Variants in ACSM3 observed in about 807,000 individuals in gnomAD.
ACSM3 encodes the protein acyl-coenzyme A synthetase ACSM3, mitochondrial.
A neutral mutation model predicts 74.1 loss-of-function variants in ACSM3; 61 were observed. That is an observed-to-expected ratio of 0.82 (90% CI 0.67 to 1.02). The LOEUF (loss-of-function observed/expected upper bound fraction) is 1.02, where lower values mean the gene tolerates loss of function less well. Ranked by LOEUF, ACSM3 falls within the 50% of genes least tolerant of loss-of-function variation. The pLI is 0.00. For synonymous variants in ACSM3, 213 were observed against 241.5 expected, an observed-to-expected ratio of 0.88 and a Z score of 1.09; for missense variants, 660 against 697.0, an observed-to-expected ratio of 0.95 and a Z score of 0.60.
chr16:20,777,620 G>A, intron 4 of ACSM3, 40 bp downstream of exon 4: 2 of 1,539,086 alleles, frequency 1.3e-6, no homozygotes. Flanking sequence ...TTCCCAAAAG[G>A]AAAGGCAACA....
chr16:20,737,502 G>C (rs998780616), intron 1 of ACSM3, among the ~76,000 whole-genome samples: 1 of 151,914 alleles, frequency 6.6e-6, no homozygotes, highest in Non-Finnish European at 1.5e-5. Context: ...ATTCAATTTC[G>C]AGTTAAAAAA....
In ACSM3 at chr16:20,757,587, A is replaced by T. The variant is rs200722187; in HGVS notation, c.-52+1971A>T. 2.1e-4 allele frequency among the ~76,000 whole-genome samples: 31 copies of T among 149,960 alleles called. No homozygotes were observed. In the East Asian group the frequency reaches 6.1e-3, roughly 29 times the overall value. ...ACAATCATGTCGTCTGCAAACAGGG[A>T]CAATTTGACTTCCTCTTTTCCTAAT... On this transcript the variant is annotated intron_variant, in intron 3 of 3. Coordinates refer to the ACSM3 transcript ENST00000561584.
rs562126214 is a variant in ACSM3 at position 20,764,975 on chromosome 16, C to T, written c.-52+850C>T. ...GTCTGGTTGGGTTTGGAGACAACAG[C>T]AGTGAATTTACCTTGCGTTGAGGCT... On this transcript the variant is annotated intron_variant, in intron 1 of 13. Coordinates refer to ENST00000289416, the MANE Select transcript of ACSM3 (RefSeq NM_005622.4). Among the ~76,000 whole-genome samples, 3 of 152,140 alleles carry T rather than the reference C, an allele frequency of 2.0e-5. No homozygotes were observed. In the South Asian group the frequency reaches 6.2e-4, roughly 31 times the overall value.
intron 3 of ACSM3, among the ~76,000 whole-genome samples, chr16:20,758,838 C>T (rs1156494799): frequency 2.0e-5 from 3 of 151,900 alleles, no homozygotes; most frequent in Non-Finnish European, 4.4e-5. Context: ...TGTTTTTGTT[C>T]TCGTTGGTTT....
intron 1 of ACSM3, chr16:20,680,069 A>C (rs1173487017): frequency 1.3e-5 from 2 of 152,242 alleles, no homozygotes; most frequent in East Asian, 3.9e-4. Context: ...CCCAGACTGT[A>C]ACATTCAGTG....
chr16:20,780,717 T>G lies in ACSM3; in HGVS notation c.642T>G (p.His214Gln), dbSNP rs761804163. The change falls in exon 5 of 14, where the codon CAT becomes CAG. Residue 214 changes from histidine to glutamine, a missense_variant. His to Gln is a conservative substitution (Grantham distance 24). Coordinates refer to ENST00000289416, the MANE Select transcript of ACSM3 (RefSeq NM_005622.4). ...GWGNLKELMK[H>Q]ASDSHTCVKT... The stretch of plus-strand genomic sequence containing the variant: ...CATTGTAGTTTTTCCTTTGCAGACA[T>G]GCCAGTGACAGCCACACCTGTGTGA... The G allele has an allele frequency of 1.1e-5, 18 of 1,614,190 alleles. No homozygotes were observed. The highest frequency in any genetic ancestry group is 1.7e-5 in the Admixed American group (1 of 60,028).
intron 1 of ACSM3, chr16:20,719,309 AT>A: frequency 4.0e-6 from 1 of 252,616 alleles, no homozygotes; most frequent in Non-Finnish European, 8.3e-6. Flanking sequence ...TTGGCAGTAT[AT>A]TTTCTTCCTG....
At chr16:20,698,878 CATTT>C in intron 1 of ACSM3, 1 of 152,246 alleles carries the variant, frequency 6.6e-6, no homozygotes, top group South Asian at 2.1e-4. Flanking sequence ...TTTGCTTCTT[CATTT>C]GTTTGTTAGA....
chr16:20,770,717 A>T (rs1475955251), intron 2 of ACSM3, among the ~76,000 whole-genome samples: 2 of 152,182 alleles, frequency 1.3e-5, no homozygotes, highest in Non-Finnish European at 2.9e-5. Context: ...CAACGTCTAG[A>T]AATAAGGACC....
intron 1 of ACSM3, chr16:20,737,336 TGATA>T (rs764770754): frequency 3.9e-6 from 6 of 1,523,052 alleles, no homozygotes; most frequent in South Asian, 1.3e-5. Context: ...CCATTACATC[TGATA>T]GATACAAAAA....
At chr16:20,761,747 C>G (rs1333431777), upstream of ACSM3, among the ~76,000 whole-genome samples, 2 of 152,184 alleles carry the variant, frequency 1.3e-5, no homozygotes, top group African/African-American at 4.8e-5. Context: ...AGCTGGTGAT[C>G]AGCAGCTTTC....
chr16:20,795,192 GT>G (rs919793352), intron 12 of ACSM3, among the ~76,000 whole-genome samples: 1 of 151,896 alleles, frequency 6.6e-6, no homozygotes, highest in East Asian at 1.9e-4. Context: ...TGTTGTTGTT[GT>G]TTTTTTTCTT....
At chr16:20,719,205 G>T in intron 1 of ACSM3, 1 of 167,262 alleles carries the variant, frequency 6.0e-6, no homozygotes. Context: ...GGTCTGTTTT[G>T]TGGCTTCTTC....
intron 4 of ACSM3, among the ~76,000 whole-genome samples, chr16:20,779,146 A>C (rs2080297820): frequency 6.6e-6 from 1 of 152,152 alleles, no homozygotes; most frequent in Non-Finnish European, 1.5e-5. Flanking sequence ...CTTTTTAGCC[A>C]GGCGCAGTGG....
intron 1 of ACSM3, among the ~76,000 whole-genome samples, chr16:20,740,231 C>T (rs1437504825): frequency 6.6e-6 from 1 of 152,072 alleles, no homozygotes; most frequent in East Asian, 1.9e-4. Context: ...CCCGTCTCTA[C>T]AAAAAATACA....
rs540062664 is a variant in ACSM3, at chr16:20,779,830, G to A, written c.639-884G>A. 45 of 183,550 alleles carry A rather than the reference G, an allele frequency of 2.5e-4. No individual in the cohort carries two copies. The Middle Eastern group carries it at 8.5e-3, about 35-fold the overall frequency. 11.4% of individuals were successfully genotyped at this position (183,550 alleles called of 1,614,324 possible). ...TCTGTCACCCAGGCTGGAGTACGGT[G>A]GCTCGATCTTGGCTCACTGCAACCT... is the stretch of plus-strand genomic sequence containing the variant. On this transcript the variant is annotated intron_variant, in intron 4 of 13. Coordinates refer to ENST00000289416, the MANE Select transcript of ACSM3 (RefSeq NM_005622.4).
At chr16:20,736,761 G>A in intron 1 of ACSM3, 2 of 999,666 alleles carry the variant, frequency 2.0e-6, no homozygotes, top group South Asian at 3.3e-5. Flanking sequence ...ACTACTGTGA[G>A]AACAGCATAA....
chr16:20,688,586 T>C (rs2079595905), intron 1 of ACSM3, among the ~76,000 whole-genome samples: 2 of 151,954 alleles, frequency 1.3e-5, no homozygotes, highest in African/African-American at 2.4e-5. Flanking sequence ...GATTTCTCAG[T>C]AGAAACCTTG....
chr16:20,685,846 A>AAAT lies in ACSM3; in HGVS notation c.-190+11024_-190+11025insAAT, dbSNP rs1567311128. Among the ~76,000 whole-genome samples the AAAT allele has an allele frequency of 7.8e-5, 8 of 102,794 alleles. No individual in the cohort carries two copies. In the East Asian group the frequency reaches 2.2e-3, roughly 28 times the overall value. The allele number at this position is 102,794 out of a possible 152,430, so 67.4% of individuals were successfully genotyped here. A position where few individuals can be genotyped will look rare whatever the true frequency, so the allele number is the denominator to read the frequency against. On this transcript the variant is annotated intron_variant, in intron 1 of 3. Coordinates refer to the ACSM3 transcript ENST00000561584. The stretch of plus-strand genomic sequence containing the variant: ...AAAAAAAAAAACAAACAAAAAAAAA[A>AAAT]CAAAAAACTTATAGCATCAGGAGAG...
Sources: gnomAD v4.1 joint callset for allele counts (sites outside exome capture counted in the v4.1 genomes callset) on GRCh38, gnomAD v4.1.1 for gene constraint, MANE v1.5 for transcripts, NCBI Gene and HGNC (gene_info 2026-07-23, HGNC 2026-07-21) for gene names.